VRTN: variants seen among roughly 807,000 people sequenced by gnomAD.
VRTN encodes the protein vertnin.
VRTN carries 5 observed loss-of-function variants against 18.2 expected under a neutral mutation model. That is an observed-to-expected ratio of 0.27 (90% confidence interval 0.14 to 0.58). The LOEUF (loss-of-function observed/expected upper bound fraction) is 0.58. Ranked by LOEUF, VRTN falls within the 20% of genes least tolerant of loss-of-function variation. The probability of loss-of-function intolerance (pLI) is 0.91; values close to 1 mark genes in which losing one functional copy is unlikely to be tolerated. For synonymous variants in VRTN, 381 were observed against 393.7 expected (o/e 0.97, Z 0.38); for missense variants, 741 against 939.4 (o/e 0.79, Z 2.76).
At chr14:74,320,406 G>A (rs558988079) in intron 1 of VRTN, among the ~76,000 whole-genome samples, 127 of 149,722 alleles carry the variant, frequency 8.5e-4, no homozygotes, top group Non-Finnish European at 1.6e-3. Flanking sequence ...GACTACAGGC[G>A]CCCGCCGCCA....
chr14:74,324,516 C>A (rs1401665766), intron 1 of VRTN, among the ~76,000 whole-genome samples: 1 of 152,060 alleles, frequency 6.6e-6, no homozygotes, highest in Non-Finnish European at 1.5e-5. Flanking sequence ...GTCTGTCTGG[C>A]AGCTGGCTGA....
intron 2 of VRTN, among the ~76,000 whole-genome samples, chr14:74,341,654 G>T (rs2085606260): frequency 6.6e-6 from 1 of 152,148 alleles, no homozygotes; most frequent in African/African-American, 2.4e-5. Flanking sequence ...GAGTAGCTGG[G>T]ATTACAGGCG....
rs143240254 is a variant in VRTN, at chr14:74,357,563, C to T, written c.780C>T (p.Ala260=). 3.1e-6 allele frequency: 5 copies of T among 1,613,766 alleles called. No homozygotes were observed. In the African/African-American group the frequency reaches 6.7e-5, roughly 22 times the overall value. ...CTGGCGTGGCCCCAGCTCTTCCAGC[C>T]CTGGCCCCACTCTCATCGCCGGCCA... ...GAPGVAPALP[A]LAPLSSPAKT... is the part of the protein sequence containing the mutation. The change falls in exon 2 of 2, where the codon GCC becomes GCT. Residue 260 remains alanine (A), a synonymous_variant. Coordinates refer to ENST00000256362, the MANE Select transcript of VRTN (RefSeq NM_018228.3). The surrounding 1 kb of genome is among the most constrained non-coding windows in gnomAD (Gnocchi z 7.8).
At chr14:74,320,617 T>G (rs1284957710) in intron 1 of VRTN, among the ~76,000 whole-genome samples, 2 of 87,978 alleles carry the variant, frequency 2.3e-5, no homozygotes, top group African/African-American at 9.1e-5. Context: ...GACGGAGTCT[T>G]GCTCTGTCAC....
At chr14:74,344,407 CAA>C (rs58231760), upstream of VRTN, among the ~76,000 whole-genome samples, 4 of 66,282 alleles carry the variant, frequency 6.0e-5, no homozygotes, top group Non-Finnish European at 2.6e-5. Context: ...AAGACTGTCT[CAA>C]AAAAAAAAAA....
At chr14:74,331,147 A>G (rs1433960796) in intron 1 of VRTN, among the ~76,000 whole-genome samples, 1 of 151,536 alleles carries the variant, frequency 6.6e-6, no homozygotes, top group Non-Finnish European at 1.5e-5. Flanking sequence ...GCTTGCAGTG[A>G]GCCGAGATCG....
rs1269189192 is a variant in VRTN at position 74,359,758 on chromosome 14, C to G, written c.*866C>G. On this transcript the variant is annotated 3_prime_UTR_variant, in exon 2 of 2. Coordinates refer to ENST00000256362, the MANE Select transcript of VRTN (RefSeq NM_018228.3). ...CCAGGTGGGGCAAGGCTGGGAGATG[C>G]AGGCTCTGTTTGCAGATTATGGCCC... is the stretch of plus-strand genomic sequence containing the variant. 1 of 167,168 alleles carries G rather than the reference C, an allele frequency of 6.0e-6. No homozygotes were observed. The highest frequency in any genetic ancestry group is 6.5e-5 in the Admixed American group (1 of 15,270). 10.4% of individuals were successfully genotyped at this position (167,168 alleles called of 1,614,324 possible). A position where few individuals can be genotyped will look rare whatever the true frequency, so the allele number is the denominator to read the frequency against.
At chr14:74,304,442 C>T (rs576193008) in intron 1 of VRTN, among the ~76,000 whole-genome samples, 1 of 152,322 alleles carries the variant, frequency 6.6e-6, no homozygotes, top group South Asian at 2.1e-4. Flanking sequence ...AGGTGTGAAT[C>T]ACCGTGCCCG....
chr14:74,351,495 G>GTTTTT (rs59810913), intron 1 of VRTN, among the ~76,000 whole-genome samples: 4 of 89,686 alleles, frequency 4.5e-5, no homozygotes, highest in African/African-American at 1.6e-4. Flanking sequence ...TGATTACCAG[G>GTTTTT]TTTTTTTTTT....
At chr14:74,305,469 G>T in intron 1 of VRTN, 1 of 203,048 alleles carries the variant, frequency 4.9e-6, no homozygotes. Context: ...TCTGGCAGCG[G>T]TTCTGACAGT....
At chr14:74,320,051 A>T (rs1007945076) in intron 1 of VRTN, among the ~76,000 whole-genome samples, 2 of 152,112 alleles carry the variant, frequency 1.3e-5, no homozygotes, top group African/African-American at 4.8e-5. Context: ...CTCAGGCAAC[A>T]TAGTGAGACC....
chr14:74,335,267 C>T (rs775585480), intron 1 of VRTN, among the ~76,000 whole-genome samples: 4 of 152,050 alleles, frequency 2.6e-5, no homozygotes, highest in Non-Finnish European at 4.4e-5. Flanking sequence ...GGTGACAGAG[C>T]AAGAAAGAAT....
At chr14:74,332,333 C>CTTTT (rs1567041786) in intron 1 of VRTN, among the ~76,000 whole-genome samples, 1 of 74,544 alleles carries the variant, frequency 1.3e-5, no homozygotes, top group Non-Finnish European at 2.7e-5. Context: ...GACTCCTAAT[C>CTTTT]TGTTTTTTTT....
chr14:74,339,465 G>C (rs551302932), intron 2 of VRTN, among the ~76,000 whole-genome samples: 1 of 152,104 alleles, frequency 6.6e-6, no homozygotes, highest in South Asian at 2.1e-4. Context: ...GAGGGTAAAA[G>C]AGAAGGGTGG....
intron 2 of VRTN, among the ~76,000 whole-genome samples, chr14:74,340,108 G>GCA (rs2085591215): frequency 9.0e-6 from 1 of 110,766 alleles, no homozygotes; most frequent in African/African-American, 4.0e-5. Flanking sequence ...GCTAATGTTT[G>GCA]TATTTTTTTT....
intron 1 of VRTN, among the ~76,000 whole-genome samples, chr14:74,309,261 C>T (rs559979680): frequency 2.0e-5 from 3 of 152,072 alleles, no homozygotes; most frequent in African/African-American, 4.8e-5. Context: ...ATGCCTCTCT[C>T]GCTCCACCCC....
intron 1 of VRTN, among the ~76,000 whole-genome samples, chr14:74,333,250 G>A (rs1312089524): frequency 6.6e-6 from 1 of 151,974 alleles, no homozygotes; most frequent in Non-Finnish European, 1.5e-5. Flanking sequence ...GGGTGTGGTG[G>A]CATGTGCCTG....
upstream of VRTN, among the ~76,000 whole-genome samples, chr14:74,345,346 ATTTTTTTT>A (rs34124259): frequency 1.1e-5 from 1 of 94,650 alleles, no homozygotes; most frequent in Non-Finnish European, 2.0e-5. Context: ...CACCCTGCCT[ATTTTTTTT>A]TTTTTTTTTT....
At chr14:74,305,816 T>C (rs1025466769) in intron 1 of VRTN, among the ~76,000 whole-genome samples, 4 of 152,206 alleles carry the variant, frequency 2.6e-5, no homozygotes, top group African/African-American at 9.6e-5. Context: ...CTGTCTTTTA[T>C]GTCGAGACAG....
Sources: gnomAD v4.1 joint callset for allele counts (sites outside exome capture counted in the v4.1 genomes callset) on GRCh38, gnomAD v4.1.1 for gene constraint, Gnocchi (gnomAD v3.1) non-coding constraint, MANE v1.5 for transcripts, NCBI Gene and HGNC (gene_info 2026-07-23, HGNC 2026-07-21) for gene names.